LRRC37A2: variants seen among roughly 807,000 people sequenced by gnomAD.
The protein encoded by LRRC37A2 is leucine-rich repeat-containing protein 37A2.
LRRC37A2 carries 9 observed loss-of-function variants against 68.8 expected under a neutral mutation model. That is an observed-to-expected ratio of 0.13 (90% CI 0.08 to 0.23). The LOEUF (loss-of-function observed/expected upper bound fraction) is 0.23, where lower values mean the gene tolerates loss of function less well. Ranked by LOEUF, LRRC37A2 falls within the 10% of genes least tolerant of loss-of-function variation. The probability of loss-of-function intolerance (pLI) is 1.00; values close to 1 mark genes in which losing one functional copy is unlikely to be tolerated. For synonymous variants in LRRC37A2, 63 were observed against 367.6 expected, an observed-to-expected ratio of 0.17 and a Z score of 9.48; for missense variants, 168 against 950.4, an observed-to-expected ratio of 0.18 and a Z score of 10.82.
At chr17:46,964,732 T>C in the LRRC37A2 span, 1 of 152,250 alleles carries the variant, frequency 6.6e-6, no homozygotes. Flanking sequence ...CTCACACCTC[T>C]TCAAGGCCCT....
chr17:46,733,495 G>A, the LRRC37A2 span, among the ~76,000 whole-genome samples: 2 of 152,298 alleles, frequency 1.3e-5, no homozygotes, highest in East Asian at 1.9e-4. Flanking sequence ...ACACTTTTGT[G>A]CATCAAATTG....
At chr17:46,913,828 C>T in the LRRC37A2 span, among the ~76,000 whole-genome samples, 136 of 152,234 alleles carry the variant, frequency 8.9e-4, no homozygotes, top group African/African-American at 2.9e-3. Flanking sequence ...GGCACGATCT[C>T]GGCTCACTGC....
At chr17:46,858,012 C>A in the LRRC37A2 span, among the ~76,000 whole-genome samples, 1 of 152,296 alleles carries the variant, frequency 6.6e-6, no homozygotes, top group Admixed American at 6.5e-5. Flanking sequence ...TAACTGCAAC[C>A]TCCACCTCCT....
At chr17:46,714,566 T>A in the LRRC37A2 span, among the ~76,000 whole-genome samples, 3 of 152,172 alleles carry the variant, frequency 2.0e-5, no homozygotes, top group South Asian at 6.2e-4. Flanking sequence ...CAGCATAGAA[T>A]AGAATCCTAG....
chr17:46,814,533 G>A, the LRRC37A2 span, among the ~76,000 whole-genome samples: 2,295 of 152,274 alleles, frequency 0.015, 20 homozygotes, highest in Admixed American at 0.025. Flanking sequence ...CCCTGGAAGG[G>A]AGACCACCCG....
At chr17:46,773,926 G>C in the LRRC37A2 span, 2 of 1,609,500 alleles carry the variant, frequency 1.2e-6, no homozygotes, top group Non-Finnish European at 1.7e-6. Flanking sequence ...GCAGACAGAG[G>C]GTAGTAACAC....
At chr17:46,826,709 T>G in the LRRC37A2 span, among the ~76,000 whole-genome samples, 1 of 152,140 alleles carries the variant, frequency 6.6e-6, no homozygotes, top group African/African-American at 2.4e-5. Context: ...GCTGCTGTGT[T>G]TGAAATGGCA....
chr17:46,891,564 C>T, the LRRC37A2 span, among the ~76,000 whole-genome samples: 1 of 152,180 alleles, frequency 6.6e-6, no homozygotes, highest in Middle Eastern at 3.2e-3. Context: ...TCATCTGGGC[C>T]CCTCAAACCT....
chr17:46,915,630 C>G, the LRRC37A2 span, among the ~76,000 whole-genome samples: 1 of 152,202 alleles, frequency 6.6e-6, no homozygotes, highest in Non-Finnish European at 1.5e-5. Flanking sequence ...TCAGGGGACC[C>G]CACACTTTTG....
the LRRC37A2 span, among the ~76,000 whole-genome samples, chr17:46,778,403 G>A: frequency 1.3e-5 from 2 of 152,144 alleles, no homozygotes; most frequent in Non-Finnish European, 2.9e-5. Flanking sequence ...GTCATCCTGC[G>A]AGTAATTAGC....
the LRRC37A2 span, among the ~76,000 whole-genome samples, chr17:46,868,854 C>T: frequency 6.6e-6 from 1 of 152,126 alleles, no homozygotes; most frequent in Non-Finnish European, 1.5e-5. Context: ...CCTGCCACAC[C>T]CAGAATTATT....
the LRRC37A2 span, among the ~76,000 whole-genome samples, chr17:46,942,828 T>G: frequency 6.6e-6 from 1 of 152,170 alleles, no homozygotes; most frequent in Non-Finnish European, 1.5e-5. Context: ...CCTTTTCATT[T>G]CATATGGAAG....
chr17:46,892,617 C>T, the LRRC37A2 span, among the ~76,000 whole-genome samples: 2 of 152,234 alleles, frequency 1.3e-5, no homozygotes, highest in Non-Finnish European at 2.9e-5. Context: ...GGACTGTGAG[C>T]TTCTATGAGC....
intron 6 of LRRC37A2, among the ~76,000 whole-genome samples, chr17:46,534,633 C>A (rs917518188): frequency 1.3e-5 from 2 of 148,588 alleles, no homozygotes; most frequent in South Asian, 4.2e-4. Flanking sequence ...ATTTCTGTAT[C>A]TTTTCCCCAC....
At chr17:46,413,481 TACACACACACACACACAC>T in the LRRC37A2 span, among the ~76,000 whole-genome samples, 8 of 24,768 alleles carry the variant, frequency 3.2e-4, no homozygotes, top group South Asian at 2.8e-3. Context: ...TCTCTCTCTG[TACACACACACACACACAC>T]ACACACACAC....
At chr17:46,898,768 G>A in the LRRC37A2 span, among the ~76,000 whole-genome samples, 1 of 152,164 alleles carries the variant, frequency 6.6e-6, no homozygotes, top group African/African-American at 2.4e-5. Context: ...CATAATAACA[G>A]CACCTAGCCT....
At chr17:47,009,850 G>T in the LRRC37A2 span, among the ~76,000 whole-genome samples, 20 of 152,360 alleles carry the variant, frequency 1.3e-4, 1 homozygote, top group South Asian at 3.5e-3. Flanking sequence ...GGAGGGAAGA[G>T]TGGGCCAGCA....
chr17:46,779,053 T>TCACAAACACACA, the LRRC37A2 span, among the ~76,000 whole-genome samples: 2 of 100,668 alleles, frequency 2.0e-5, no homozygotes, highest in African/African-American at 8.9e-5. Flanking sequence ...CCCTACCCCA[T>TCACAAACACACA]CACACACACA....
At chr17:46,868,325 C>G in the LRRC37A2 span, among the ~76,000 whole-genome samples, 1 of 152,238 alleles carries the variant, frequency 6.6e-6, no homozygotes, top group East Asian at 1.9e-4. Context: ...GGCGTGGTGG[C>G]TCATGCCTGT....
Sources: allele counts gnomAD v4.1 joint callset (sites outside exome capture counted in the v4.1 genomes callset), GRCh38; gene constraint gnomAD v4.1.1; transcripts MANE v1.5; gene names NCBI Gene and HGNC (gene_info 2026-07-23, HGNC 2026-07-21).